The following NALCN variants were observed in gnomAD, a reference collection of about 807,000 sequenced individuals.
NALCN encodes the protein sodium leak channel NALCN.
Under a neutral mutation model 225.3 loss-of-function variants are expected in NALCN, and 111 were observed. The observed-to-expected ratio is 0.49, with a 90% confidence interval of 0.42 to 0.58. The LOEUF (loss-of-function observed/expected upper bound fraction) is 0.58, where lower values mean the gene tolerates loss of function less well. NALCN is among the 20% of genes least tolerant of loss of function. The pLI is 0.00. For missense variants in NALCN, 1,378 were observed against 2,202.4 expected, an observed-to-expected ratio of 0.63 and a Z score of 7.49; for synonymous variants, 764 against 769.0, an observed-to-expected ratio of 0.99 and a Z score of 0.11.
intron 7 of NALCN, among the ~76,000 whole-genome samples, chr13:101,331,212 T>C (rs574139963): frequency 2.6e-5 from 4 of 152,076 alleles, no homozygotes; most frequent in East Asian, 3.9e-4. Context: ...AATGAACTAT[T>C]GTAAAGGAGA....
chr13:101,110,456 T>G (rs560753944), intron 20 of NALCN, among the ~76,000 whole-genome samples, 163 bp downstream of exon 20: 1 of 152,362 alleles, frequency 6.6e-6, no homozygotes, highest in South Asian at 2.1e-4. Flanking sequence ...CTTCTGATAC[T>G]TGGCTACATA....
At chr13:101,165,375 A>C (rs892940936) in intron 15 of NALCN, among the ~76,000 whole-genome samples, 3 of 152,170 alleles carry the variant, frequency 2.0e-5, no homozygotes, top group African/African-American at 7.2e-5. Flanking sequence ...GCCTTCACTA[A>C]CCACCTCCTT....
chr13:101,155,844 A>G (rs1315344063), intron 15 of NALCN, among the ~76,000 whole-genome samples: 2 of 152,182 alleles, frequency 1.3e-5, no homozygotes, highest in African/African-American at 4.8e-5. Flanking sequence ...TCACATACTA[A>G]TTTTGGTATT....
intron 34 of NALCN, among the ~76,000 whole-genome samples, chr13:101,080,502 CATAAGT>C (rs1332168995): frequency 7.0e-6 from 1 of 143,134 alleles, no homozygotes; most frequent in Admixed American, 7.0e-5. Flanking sequence ...ATTATAATTA[CATAAGT>C]ATAATTACAT....
Position 101,143,145 on chromosome 13 carries a change from A to C in NALCN, c.2053T>G (p.Ser685Ala). Reference sequence around the variant, plus strand: ...TTGGAGTGGTCGCAGGAGGAGGAAGAGGTGGTCGGGAGGCTTCTCAGGAGG... The same window carrying C: ...TTGGAGTGGTCGCAGGAGGAGGAAGCGGTGGTCGGGAGGCTTCTCAGGAGG... ...CCLLRSLPTT[S>A]SSSCDHSKRS... The change falls in exon 17 of 44, where the codon TCT (serine) becomes GCT (alanine). Residue 685 changes from serine to alanine, a missense_variant. By Grantham distance (99) the Ser-to-Ala change is moderately conservative. Transcript: ENST00000251127. The C allele has an allele frequency of 3.1e-6, 5 of 1,614,072 alleles. No homozygotes were observed. The highest frequency in any genetic ancestry group is 3.4e-6 in the Non-Finnish European group (4 of 1,180,006).
chr13:101,114,197 A>G (rs1387411560), intron 18 of NALCN, among the ~76,000 whole-genome samples: 1 of 152,174 alleles, frequency 6.6e-6, no homozygotes, highest in Non-Finnish European at 1.5e-5. Context: ...GGGACCTTAG[A>G]CAGGTGATGT....
chr13:101,351,804 T>C (rs1293552322), intron 6 of NALCN, among the ~76,000 whole-genome samples: 2 of 152,204 alleles, frequency 1.3e-5, no homozygotes, highest in Non-Finnish European at 2.9e-5. Flanking sequence ...TCACTGTGCA[T>C]AGTTCTCCTC....
At chr13:101,081,390 A>G in intron 34 of NALCN, 137 bp downstream of exon 34, 1 of 1,245,056 alleles carries the variant, frequency 8.0e-7, no homozygotes. Context: ...CATCACAGTC[A>G]AAGCTGGGCT....
At chr13:101,126,866 G>A (rs141611552) in intron 17 of NALCN, among the ~76,000 whole-genome samples, 1 of 152,136 alleles carries the variant, frequency 6.6e-6, no homozygotes, top group Non-Finnish European at 1.5e-5. Context: ...GCTTGGAGCC[G>A]CTTTTGGAGA....
intron 14 of NALCN, 35 bp from the exon 15 acceptor site, chr13:101,176,409 C>T (rs747439149): frequency 1.3e-6 from 2 of 1,504,388 alleles, no homozygotes; most frequent in Admixed American, 4.0e-5. Context: ...AAAAAACCCA[C>T]ATGCCATAAG....
chr13:101,140,554 T>TTC (rs1413099609), intron 17 of NALCN, among the ~76,000 whole-genome samples: 1 of 152,194 alleles, frequency 6.6e-6, no homozygotes, highest in African/African-American at 2.4e-5. Flanking sequence ...CAGCCCAGAC[T>TTC]TCTGGCTTAC....
chr13:101,340,357 G>A (rs1009007606), intron 7 of NALCN, among the ~76,000 whole-genome samples: 2 of 152,118 alleles, frequency 1.3e-5, no homozygotes, highest in African/African-American at 4.8e-5. Flanking sequence ...GTTAATGTCT[G>A]TAAACAAAGG....
At chr13:101,307,801 G>A (rs1408235033) in intron 7 of NALCN, among the ~76,000 whole-genome samples, 1 of 152,124 alleles carries the variant, frequency 6.6e-6, no homozygotes, top group Non-Finnish European at 1.5e-5. Context: ...CTCCTCAAAT[G>A]ATTGTCCAAC....
chr13:101,305,908 T>C (rs567779285), intron 7 of NALCN, among the ~76,000 whole-genome samples: 9 of 152,212 alleles, frequency 5.9e-5, no homozygotes, highest in Admixed American at 2.0e-4. Flanking sequence ...AAACATAAAA[T>C]GTAGATTAAA....
chr13:101,073,511 C>T (rs2139465297), intron 37 of NALCN, 73 bp downstream of exon 37: 2 of 1,260,806 alleles, frequency 1.6e-6, no homozygotes, highest in Non-Finnish European at 2.3e-6. Context: ...AAGGATGATC[C>T]TGCCAACATT....
intron 18 of NALCN, chr13:101,116,669 G>A (rs1026902036): frequency 6.4e-5 from 26 of 405,480 alleles, no homozygotes; most frequent in African/African-American, 2.1e-4. Context: ...ACACAATACC[G>A]TCTGGTATTA....
At position 101,104,855 on chromosome 13, in the gene NALCN, C is replaced by T; in HGVS notation, c.2636+39G>A. 1.9e-6 allele frequency: 3 copies of T among 1,608,644 alleles called. No homozygotes were observed. The highest frequency in any genetic ancestry group is 2.6e-6 in the Non-Finnish European group (3 of 1,175,476). On this transcript the variant is annotated intron_variant, in intron 23 of 43. Coordinates refer to ENST00000251127, the MANE Select transcript of NALCN (RefSeq NM_052867.4). The surrounding 1 kb of genome is among the most constrained non-coding windows in gnomAD (Gnocchi z 4.2). ...TGCAGCATAAAATAGTACATGAAAA[C>T]TTTAAATGTGCATGGAAAATGAAGT...
At chr13:101,191,743 A>G (rs569488631) in intron 14 of NALCN, among the ~76,000 whole-genome samples, 174 bp downstream of exon 14, 5 of 152,228 alleles carry the variant, frequency 3.3e-5, no homozygotes, top group Non-Finnish European at 7.3e-5. Context: ...TAACAAATCA[A>G]GCAGTTCTTT....
chr13:101,163,501 T>G (rs1231156210), intron 15 of NALCN, among the ~76,000 whole-genome samples: 1 of 152,184 alleles, frequency 6.6e-6, no homozygotes, highest in African/African-American at 2.4e-5. Context: ...TACAGAAACC[T>G]TTCCTCTAAG....
Sources: gnomAD v4.1 joint callset for allele counts (sites outside exome capture counted in the v4.1 genomes callset) on GRCh38, gnomAD v4.1.1 for gene constraint, Gnocchi (gnomAD v3.1) non-coding constraint, MANE v1.5 for transcripts, NCBI Gene and HGNC (gene_info 2026-07-23, HGNC 2026-07-21) for gene names.